The following DLG2 variants were observed in gnomAD, a reference collection of about 807,000 sequenced individuals.
DLG2 encodes the protein disks large homolog 2.
A neutral mutation model predicts 132.5 loss-of-function variants in DLG2; 45 were observed. The observed-to-expected ratio is 0.34, with a 90% CI of 0.27 to 0.44. The LOEUF (loss-of-function observed/expected upper bound fraction) is 0.44, where lower values mean the gene tolerates loss of function less well. Ranked by LOEUF, DLG2 falls within the 20% of genes least tolerant of loss-of-function variation. DLG2 has a pLI of 1.00. For missense variants in DLG2, 1,045 were observed against 1,196.9 expected, an observed-to-expected ratio of 0.87 and a Z score of 1.87; for synonymous variants, 424 against 419.6, an observed-to-expected ratio of 1.01 and a Z score of -0.13.
chr11:85,383,737 T>C (rs918293257), intron 3 of DLG2, among the ~76,000 whole-genome samples: 17 of 152,294 alleles, frequency 1.1e-4, no homozygotes, highest in African/African-American at 3.1e-4. Context: ...ATGCTAGAAA[T>C]TGCTTCCTTC....
chr11:85,565,728 T>C (rs2077493996), intron 3 of DLG2, among the ~76,000 whole-genome samples: 1 of 152,124 alleles, frequency 6.6e-6, no homozygotes, highest in Non-Finnish European at 1.5e-5. Context: ...ACTGTGAAAA[T>C]ACCACATTTT....
chr11:83,637,905 T>G (rs1466050005), intron 18 of DLG2, among the ~76,000 whole-genome samples: 2 of 152,164 alleles, frequency 1.3e-5, no homozygotes, highest in African/African-American at 4.8e-5. Flanking sequence ...AGAATTTGCT[T>G]CCAGAACAGG....
At chr11:83,758,547 G>C (rs1419001707) in intron 18 of DLG2, among the ~76,000 whole-genome samples, 4 of 152,090 alleles carry the variant, frequency 2.6e-5, no homozygotes, top group Non-Finnish European at 5.9e-5. Context: ...ACCCAGCACT[G>C]CTACTTAATG....
chr11:83,957,184 G>A (rs1028309594), intron 14 of DLG2, among the ~76,000 whole-genome samples: 2 of 152,166 alleles, frequency 1.3e-5, no homozygotes, highest in African/African-American at 2.4e-5. Flanking sequence ...TAAGTTAAGG[G>A]CATGTGAGTA....
intron 4 of DLG2, among the ~76,000 whole-genome samples, chr11:85,193,700 T>G (rs557842181): frequency 6.6e-6 from 1 of 152,364 alleles, no homozygotes; most frequent in East Asian, 1.9e-4. Flanking sequence ...ATTCAAATTC[T>G]TTGCCCATTT....
At chr11:85,605,059 G>A (rs2080431620) in intron 2 of DLG2, among the ~76,000 whole-genome samples, 1 of 152,018 alleles carries the variant, frequency 6.6e-6, no homozygotes, top group South Asian at 2.1e-4. Flanking sequence ...GGCAAATTTT[G>A]GAAAATAAAG....
chr11:84,448,358 T>A (rs189354200), intron 7 of DLG2, among the ~76,000 whole-genome samples: 1 of 152,216 alleles, frequency 6.6e-6, no homozygotes, highest in East Asian at 1.9e-4. Flanking sequence ...TGAGCTCAAA[T>A]AATGTATTAG....
chr11:84,679,658 T>C (rs1227560572), intron 6 of DLG2, among the ~76,000 whole-genome samples: 1 of 152,110 alleles, frequency 6.6e-6, no homozygotes, highest in African/African-American at 2.4e-5. Context: ...GTTTACTATA[T>C]GTCAAAGTCT....
At chr11:84,197,656 G>A (rs997409031) in intron 8 of DLG2, among the ~76,000 whole-genome samples, 2 of 152,134 alleles carry the variant, frequency 1.3e-5, no homozygotes, top group African/African-American at 4.8e-5. Context: ...TTAATAAAAT[G>A]TTTCATATGA....
At chr11:85,460,692 C>G (rs1267820674) in intron 3 of DLG2, among the ~76,000 whole-genome samples, 1 of 152,170 alleles carries the variant, frequency 6.6e-6, no homozygotes, top group Non-Finnish European at 1.5e-5. Context: ...CCTCACTTTT[C>G]AATATTTTAA....
chr11:84,384,043 C>T (rs537913693), intron 7 of DLG2, among the ~76,000 whole-genome samples: 2 of 147,898 alleles, frequency 1.4e-5, no homozygotes, highest in Non-Finnish European at 3.0e-5. Flanking sequence ...ATTTCAAGAG[C>T]AGTTACTGTG....
At chr11:85,126,176 G>A (rs1367043101) in intron 5 of DLG2, among the ~76,000 whole-genome samples, 1 of 152,168 alleles carries the variant, frequency 6.6e-6, no homozygotes, top group Non-Finnish European at 1.5e-5. Context: ...ATGAAAGATA[G>A]GGAAGGTAAC....
At chr11:84,274,339 A>G (rs1479335460) in intron 7 of DLG2, among the ~76,000 whole-genome samples, 1 of 152,210 alleles carries the variant, frequency 6.6e-6, no homozygotes, top group Non-Finnish European at 1.5e-5. Flanking sequence ...CTGGTTGCAC[A>G]GTCAACAATG....
At chr11:85,100,179 A>G (rs1021521612) in intron 6 of DLG2, among the ~76,000 whole-genome samples, 3 of 152,184 alleles carry the variant, frequency 2.0e-5, no homozygotes, top group African/African-American at 7.2e-5. Context: ...AGTGGAAGTA[A>G]GTCAAGCTGT....
intron 9 of DLG2, among the ~76,000 whole-genome samples, chr11:84,143,536 C>T (rs986111310): frequency 6.6e-6 from 1 of 152,150 alleles, no homozygotes; most frequent in Admixed American, 6.5e-5. Flanking sequence ...TTTCATAATA[C>T]ATACATTCTT....
At chr11:85,232,021 C>T (rs2075327737) in intron 4 of DLG2, among the ~76,000 whole-genome samples, 1 of 151,808 alleles carries the variant, frequency 6.6e-6, no homozygotes, top group South Asian at 2.1e-4. Context: ...ACAGTTCTCT[C>T]ATATCTAGTA....
At chr11:85,205,080 A>G (rs2081771675) in intron 4 of DLG2, among the ~76,000 whole-genome samples, 1 of 151,102 alleles carries the variant, frequency 6.6e-6, no homozygotes, top group South Asian at 2.1e-4. Context: ...TATAAAACTA[A>G]CAAACTAAAT....
At chr11:84,821,579 C>T (rs1157874713) in intron 6 of DLG2, among the ~76,000 whole-genome samples, 1 of 143,152 alleles carries the variant, frequency 7.0e-6, no homozygotes, top group Non-Finnish European at 1.5e-5. Flanking sequence ...GGTGGTGGGC[C>T]AGATTTAGCT....
intron 6 of DLG2, among the ~76,000 whole-genome samples, chr11:85,040,202 C>T (rs1256281669): frequency 6.6e-6 from 1 of 151,852 alleles, no homozygotes; most frequent in Admixed American, 6.6e-5. Context: ...AAAAGAATTG[C>T]TGAATTCTCC....
Sources: allele counts gnomAD v4.1 joint callset (sites outside exome capture counted in the v4.1 genomes callset), GRCh38; gene constraint gnomAD v4.1.1; transcripts MANE v1.5; gene names NCBI Gene and HGNC (gene_info 2026-07-23, HGNC 2026-07-21).